MYO16: variants seen among roughly 807,000 people sequenced by gnomAD.
MYO16 encodes unconventional myosin-XVI.
MYO16 carries 94 observed loss-of-function variants against 205.3 expected under a neutral mutation model. The ratio of observed to expected loss-of-function variants is 0.46; its 90% CI spans 0.39 to 0.54. The LOEUF is 0.54. Among genes scored for constraint, MYO16 ranks in the 20% least tolerant of loss-of-function variants. MYO16 has a pLI of 0.00. For missense variants in MYO16, 2,315 were observed against 2,387.5 expected, an observed-to-expected ratio of 0.97 and a Z score of 0.63; for synonymous variants, 988 against 954.0, an observed-to-expected ratio of 1.04 and a Z score of -0.66.
chr13:108,892,213 C>A (rs1880210025), intron 14 of MYO16, among the ~76,000 whole-genome samples: 1 of 151,970 alleles, frequency 6.6e-6, no homozygotes, highest in Non-Finnish European at 1.5e-5. Context: ...AAGCTCATAC[C>A]ATATTGAGCA....
chr13:109,172,612 A>G (rs954281832), intron 33 of MYO16, among the ~76,000 whole-genome samples: 1 of 152,210 alleles, frequency 6.6e-6, no homozygotes, highest in Non-Finnish European at 1.5e-5. Context: ...GACCATGGGC[A>G]AGTTACTTAA....
At chr13:109,178,797 T>G (rs972353814) in intron 33 of MYO16, among the ~76,000 whole-genome samples, 1 of 152,116 alleles carries the variant, frequency 6.6e-6, no homozygotes, top group Non-Finnish European at 1.5e-5. Flanking sequence ...CAGGGATGCA[T>G]GGGGCAGACC....
chr13:108,613,010 T>G (rs556089899), intron 1 of MYO16, among the ~76,000 whole-genome samples: 1 of 151,782 alleles, frequency 6.6e-6, no homozygotes, highest in Non-Finnish European at 1.5e-5. Flanking sequence ...GTTTAGGGAG[T>G]GGAGCTGAGA....
At chr13:109,039,476 G>T (rs1020665442) in intron 23 of MYO16, among the ~76,000 whole-genome samples, 30 of 152,112 alleles carry the variant, frequency 2.0e-4, no homozygotes, top group African/African-American at 5.3e-4. Context: ...AAACTCAAAA[G>T]AATTGAAATT....
At chr13:108,978,069 T>G (rs1884327813) in intron 20 of MYO16, among the ~76,000 whole-genome samples, 1 of 152,020 alleles carries the variant, frequency 6.6e-6, no homozygotes, top group Admixed American at 6.6e-5. Flanking sequence ...ATCTTTTTTT[T>G]GTGTGGCTAT....
the MYO16 span, among the ~76,000 whole-genome samples, chr13:108,497,185 A>G: frequency 2.6e-5 from 4 of 152,198 alleles, no homozygotes; most frequent in East Asian, 5.8e-4. Flanking sequence ...GGAGGGGCCA[A>G]CCACAGATCC....
chr13:108,775,730 A>T (rs1379741483), intron 4 of MYO16, among the ~76,000 whole-genome samples: 1 of 152,192 alleles, frequency 6.6e-6, no homozygotes, highest in East Asian at 1.9e-4. Flanking sequence ...AGCTAGAGTG[A>T]TGCCAAAAAT....
At chr13:108,824,397 A>T (rs1594322243) in intron 9 of MYO16, among the ~76,000 whole-genome samples, 1 of 152,180 alleles carries the variant, frequency 6.6e-6, no homozygotes, top group East Asian at 1.9e-4. Flanking sequence ...ATATATGAAA[A>T]TCTGGATATT....
chr13:109,093,466 C>T (rs1888682134), intron 27 of MYO16, among the ~76,000 whole-genome samples: 1 of 152,166 alleles, frequency 6.6e-6, no homozygotes, highest in African/African-American at 2.4e-5. Context: ...GGGGGACTGG[C>T]TGACGTTTGG....
At position 108,919,490 on chromosome 13, in the gene MYO16, G is replaced by A. The variant is rs568536554; in HGVS notation, c.1925+9340G>A. 2.7e-4 allele frequency among the ~76,000 whole-genome samples: 29 copies of A among 108,358 alleles called. No homozygotes were observed. The South Asian group carries it at 9.3e-3, about 35-fold the overall frequency. 71.1% of individuals were successfully genotyped at this position (108,358 alleles called of 152,430 possible). A position where few individuals can be genotyped will look rare whatever the true frequency, so the allele number is the denominator to read the frequency against. On this transcript the variant is annotated intron_variant, in intron 16 of 34. Transcript: ENST00000457511. The stretch of plus-strand genomic sequence containing the variant: ...GGGGAATTTGGCGTGAGCGATTGTC[G>A]TTAACCGGTTCTTTGACATCTTCTC...
chr13:108,834,092 AC>A (rs1876769045), intron 9 of MYO16, among the ~76,000 whole-genome samples: 1 of 152,208 alleles, frequency 6.6e-6, no homozygotes, highest in African/African-American at 2.4e-5. Flanking sequence ...GAAAAACTGC[AC>A]CAGAGAAGTT....
chr13:109,134,541 T>C (rs1173918541), intron 31 of MYO16, among the ~76,000 whole-genome samples: 2 of 152,236 alleles, frequency 1.3e-5, no homozygotes, highest in African/African-American at 4.8e-5. Context: ...CACGGGCATG[T>C]CTGGTGCCTC....
intron 32 of MYO16, among the ~76,000 whole-genome samples, chr13:109,160,069 G>A (rs897936722): frequency 2.0e-5 from 3 of 152,334 alleles, no homozygotes; most frequent in South Asian, 2.1e-4. Context: ...GGACCGTCCT[G>A]TGTGTTATAG....
At chr13:108,920,299 T>C (rs200084008) in intron 16 of MYO16, among the ~76,000 whole-genome samples, 2 of 137,936 alleles carry the variant, frequency 1.4e-5, no homozygotes, top group South Asian at 4.2e-4. Flanking sequence ...TCTCTTTCTT[T>C]CTCTTTCTCT....
intron 1 of MYO16, among the ~76,000 whole-genome samples, chr13:108,620,695 T>C (rs1879507410): frequency 6.6e-6 from 1 of 152,232 alleles, no homozygotes; most frequent in Non-Finnish European, 1.5e-5. Flanking sequence ...TGGTCGATGA[T>C]GGGATGTGCT....
At chr13:108,791,415 A>G (rs1886611823) in intron 5 of MYO16, among the ~76,000 whole-genome samples, 1 of 152,248 alleles carries the variant, frequency 6.6e-6, no homozygotes. Flanking sequence ...CTGACTAATC[A>G]CAGATCACTT....
intron 4 of MYO16, among the ~76,000 whole-genome samples, chr13:108,765,146 C>A (rs1885736433): frequency 6.6e-6 from 1 of 151,396 alleles, no homozygotes; most frequent in Admixed American, 6.6e-5. Flanking sequence ...AGGTGTCATG[C>A]ATATCTGTAT....
intron 33 of MYO16, among the ~76,000 whole-genome samples, chr13:109,177,003 C>T (rs1480403689): frequency 6.6e-6 from 1 of 152,202 alleles, no homozygotes; most frequent in Non-Finnish European, 1.5e-5. Flanking sequence ...GTCTGCAGTG[C>T]TACCTATCGT....
intron 9 of MYO16, among the ~76,000 whole-genome samples, chr13:108,836,412 G>A (rs1876920025): frequency 1.3e-5 from 2 of 152,204 alleles, no homozygotes; most frequent in South Asian, 4.1e-4. Context: ...GCCCTGCTAG[G>A]GCAGTGTGGA....
Sources: gnomAD v4.1 joint callset for allele counts (sites outside exome capture counted in the v4.1 genomes callset) on GRCh38, gnomAD v4.1.1 for gene constraint, MANE v1.5 for transcripts, NCBI Gene and HGNC (gene_info 2026-07-23, HGNC 2026-07-21) for gene names.